The following SIGIRR variants were observed in gnomAD, a reference collection of about 807,000 sequenced individuals.
The protein encoded by SIGIRR is single Ig IL-1-related receptor.
Under a neutral mutation model 45.6 loss-of-function variants are expected in SIGIRR, and 41 were observed. The ratio of observed to expected loss-of-function variants is 0.90; its 90% confidence interval spans 0.70 to 1.17. SIGIRR has a LOEUF of 1.17. Ranked by LOEUF, SIGIRR falls within the 50% of genes most tolerant of loss-of-function variation. The probability of loss-of-function intolerance (pLI) is 0.00; values close to 1 mark genes in which losing one functional copy is unlikely to be tolerated. For missense variants in SIGIRR, 599 were observed against 539.6 expected (o/e 1.11, Z -1.09); for synonymous variants, 298 against 239.0 (o/e 1.25, Z -2.28).
intron 1 of SIGIRR, among the ~76,000 whole-genome samples, chr11:414,241 A>C (rs1473610681): frequency 6.8e-4 from 9 of 13,270 alleles, no homozygotes; most frequent in Admixed American, 2.1e-3. Context: ...TCCCCTCCCC[A>C]CCTTTCCCTG....
upstream of SIGIRR, among the ~76,000 whole-genome samples, chr11:416,090 C>T (rs1016642963): frequency 6.6e-6 from 1 of 152,166 alleles, no homozygotes; most frequent in Non-Finnish European, 1.5e-5. The surrounding 1 kb of genome is among the most constrained non-coding windows in gnomAD (Gnocchi z 9.1). Flanking sequence ...AGCACCCCTT[C>T]CCCCACAGAG....
At position 407,128 on chromosome 11, in the gene SIGIRR, C is replaced by CA. The variant is rs1488656876; in HGVS notation, c.661dup (p.Cys221LeufsTer120). 3 of 1,558,836 alleles carry CA rather than the reference C, an allele frequency of 1.9e-6. No individual in the cohort carries two copies. Among genetic ancestry groups the CA allele is most frequent in the Non-Finnish European group, 2.6e-6 (3 of 1,160,020 alleles). ...CGAAAGCACCACGATGAGGCGTCGG[C>CA]AGCGGCTCAGGTTCACCAAGAGGTC... On this transcript the variant is annotated frameshift_variant, in exon 7 of 10. Coordinates refer to ENST00000431843, the MANE Select transcript of SIGIRR (RefSeq NM_001135054.2). LOFTEE classifies it high-confidence loss of function.
chr11:407,177 G>T lies in SIGIRR; in HGVS notation c.626-13C>A. The T allele has an allele frequency of 2.1e-6, 3 of 1,396,562 alleles. No individual in the cohort carries two copies. Among genetic ancestry groups the T allele is most frequent in the Non-Finnish European group, 1.9e-6 (2 of 1,069,474 alleles). 86.5% of individuals were successfully genotyped at this position (1,396,562 alleles called of 1,614,324 possible). A position where few individuals can be genotyped will look rare whatever the true frequency, so the allele number is the denominator to read the frequency against. On this transcript the variant is annotated splice_polypyrimidine_tract_variant and intron_variant, in intron 6 of 9. Coordinates refer to ENST00000431843, the MANE Select transcript of SIGIRR (RefSeq NM_001135054.2). The stretch of plus-strand genomic sequence containing the variant: ...TCGGCGGAGGGCTCTGCGGGAGGGC[G>T]GGCGTCGGCGGCGCAGGGGCGGGGG...
At chr11:410,628 G>T (rs1399033358) in intron 1 of SIGIRR, among the ~76,000 whole-genome samples, 2 of 64,840 alleles carry the variant, frequency 3.1e-5, no homozygotes, top group African/African-American at 1.2e-4. Flanking sequence ...TCGGGGGGGG[G>T]GGGTGCCCAG....
Position 407,803 on chromosome 11 carries a change from C to G in SIGIRR, c.481+14G>C. On this transcript the variant is annotated intron_variant, in intron 5 of 9. Transcript: ENST00000431843. Reference sequence around the variant, plus strand: ...GTGGCGACCCCTCCTCGCGCCCACGCGGGCCCCACGCACCGTTTATCTCCA... The same window carrying G: ...GTGGCGACCCCTCCTCGCGCCCACGGGGGCCCCACGCACCGTTTATCTCCA... 6.2e-7 allele frequency: 1 copy of G among 1,612,238 alleles called. No individual in the cohort carries two copies. Among genetic ancestry groups the G allele is most frequent in the South Asian group, 1.1e-5 (1 of 91,064 alleles).
chr11:406,393 C>T lies in SIGIRR; in HGVS notation c.1025G>A (p.Arg342Gln). 6.2e-7 allele frequency: 1 copy of T among 1,612,686 alleles called. No homozygotes were observed. The highest frequency in any genetic ancestry group is 8.5e-7 in the Non-Finnish European group (1 of 1,179,880). The change falls in exon 9 of 10, where the codon CGG becomes CAG. Residue 342 changes from arginine to glutamine, a missense_variant. Arg to Gln is a conservative substitution (Grantham distance 43, BLOSUM62 1). Coordinates refer to ENST00000431843, the MANE Select transcript of SIGIRR (RefSeq NM_001135054.2). ...LILRGRVPEG[R>Q]ALDSEVDPDP... The stretch of plus-strand genomic sequence containing the variant: ...CGGGTCCACCTCTGAGTCCAGGGCC[C>T]GGCCCTCAGGGACTCGGCCTCGAAG...
upstream of SIGIRR, among the ~76,000 whole-genome samples, chr11:415,685 G>A (rs1197261599): frequency 6.6e-6 from 1 of 152,230 alleles, no homozygotes; most frequent in Non-Finnish European, 1.5e-5. The surrounding 1 kb of genome is among the most constrained non-coding windows in gnomAD (Gnocchi z 6.6). Context: ...GCTGGGGTGG[G>A]AGGGCAGCGC....
At chr11:415,335 G>A (rs1307415131), upstream of SIGIRR, among the ~76,000 whole-genome samples, 2 of 151,826 alleles carry the variant, frequency 1.3e-5, no homozygotes, top group Admixed American at 6.6e-5. The surrounding 1 kb of genome is among the most constrained non-coding windows in gnomAD (Gnocchi z 6.6). Flanking sequence ...TGGGGTGGGG[G>A]GTGCTCAAAG....
chr11:406,298 C>T, intron 9 of SIGIRR, 51 bp downstream of exon 9: 1 of 1,589,812 alleles, frequency 6.3e-7, no homozygotes, highest in Non-Finnish European at 8.6e-7. Context: ...TGCCCCCACT[C>T]CGCCCTGTGC....
At chr11:408,049 T>A (rs1847430596) in intron 4 of SIGIRR, 24 bp downstream of exon 4, 1 of 1,612,144 alleles carries the variant, frequency 6.2e-7, no homozygotes, top group African/African-American at 1.3e-5. Flanking sequence ...CCTTCTACCC[T>A]CCACCTTGGG....
Position 407,405 on chromosome 11 carries a change from C to CG in SIGIRR, c.625+19dup, listed in dbSNP as rs541077942. On this transcript the variant is annotated intron_variant, in intron 6 of 9. Transcript: ENST00000431843. ...GCGGGCCCTCCGGGTGGGCGGGGCA[C>CG]GGGGTGGGGCCCGGGATACCAGCGC... 6.5e-4 allele frequency: 608 copies of CG among 936,100 alleles called. 5 individuals carry two copies. The African/African-American group carries it at 0.019, about 29-fold the overall frequency. 58.0% of individuals were successfully genotyped at this position (936,100 alleles called of 1,614,324 possible).
At position 408,059 on chromosome 11, in the gene SIGIRR, G is replaced by A; in HGVS notation, c.340+14C>T. On this transcript the variant is annotated intron_variant, in intron 4 of 9. Transcript: ENST00000431843. The stretch of plus-strand genomic sequence containing the variant: ...GGTCCCCTTCTACCCTCCACCTTGG[G>A]GAACCCCCATCACCAGCTCTCTGAA... 2.5e-6 allele frequency: 4 copies of A among 1,612,542 alleles called. No homozygotes were observed. The highest frequency in any genetic ancestry group is 2.5e-6 in the Non-Finnish European group (3 of 1,179,844).
chr11:407,120 G>GC lies in SIGIRR; in HGVS notation c.669_670insG (p.Leu224AlafsTer117). On this transcript the variant is annotated frameshift_variant, in exon 7 of 10. Coordinates refer to ENST00000431843, the MANE Select transcript of SIGIRR (RefSeq NM_001135054.2). LOFTEE classifies it high-confidence loss of function. ...AAGGCGTCCGAAAGCACCACGATGA[G>GC]GCGTCGGCAGCGGCTCAGGTTCACC... 2.0e-6 allele frequency: 3 copies of GC among 1,536,212 alleles called. No individual in the cohort carries two copies. In the Admixed American group the frequency reaches 5.8e-5, roughly 30 times the overall value.
chr11:408,241 G>A (rs1847442704), intron 3 of SIGIRR, 35 bp from the exon 4 acceptor site: 1 of 1,607,834 alleles, frequency 6.2e-7, no homozygotes, highest in Admixed American at 1.7e-5. Context: ...GGTCGACTGG[G>A]GATACCAGTG....
At chr11:407,724 C>T in intron 5 of SIGIRR, 93 bp downstream of exon 5, 1 of 1,579,580 alleles carries the variant, frequency 6.3e-7, no homozygotes, top group Non-Finnish European at 8.6e-7. Flanking sequence ...GGGCTAACCC[C>T]TCCCCGCCGC....
intron 1 of SIGIRR, among the ~76,000 whole-genome samples, chr11:413,330 G>GA (rs1564894940): frequency 6.6e-6 from 1 of 151,484 alleles, no homozygotes; most frequent in Non-Finnish European, 1.5e-5. Context: ...TGGCCAGGGG[G>GA]TCCTTGAAGA....
chr11:407,377 G>A (rs1338433483), intron 6 of SIGIRR, 48 bp downstream of exon 6: 3 of 1,467,456 alleles, frequency 2.0e-6, no homozygotes, highest in African/African-American at 1.4e-5. Context: ...GGGGCGGGGC[G>A]GGGCGGGCCC....
Position 407,112 on chromosome 11 carries a change from C to T in SIGIRR, c.678G>A (p.Val226=), listed in dbSNP as rs1305180566. The change falls in exon 7 of 10, where the codon GTG becomes GTA. Residue 226 remains valine (V), a synonymous_variant. Transcript: ENST00000431843. ...GGCTCAGGAAGGCGTCCGAAAGCAC[C>T]ACGATGAGGCGTCGGCAGCGGCTCA... The part of the protein sequence containing the change: ...VNLSRCRRLI[V]VLSDAFLSRA... 2.5e-6 allele frequency: 4 copies of T among 1,573,314 alleles called. No individual in the cohort carries two copies. Among genetic ancestry groups the T allele is most frequent in the South Asian group, 2.3e-5 (2 of 86,338 alleles).
rs773492464 is a variant in SIGIRR, at chr11:406,133, C to T, written c.1070-74G>A. The T allele has an allele frequency of 5.8e-6, 9 of 1,539,256 alleles. No homozygotes were observed. In the East Asian group the frequency reaches 1.7e-4, roughly 29 times the overall value. ...CCCAGACCCACTGCCAGGGGCTGCC[C>T]CTGCTCACCCCCTGCTGTGATGGCC... is the stretch of plus-strand genomic sequence containing the variant. On this transcript the variant is annotated intron_variant, in intron 9 of 9. Coordinates refer to ENST00000431843, the MANE Select transcript of SIGIRR (RefSeq NM_001135054.2).
Sources: gnomAD v4.1 joint callset for allele counts (sites outside exome capture counted in the v4.1 genomes callset) on GRCh38, gnomAD v4.1.1 for gene constraint, Gnocchi (gnomAD v3.1) non-coding constraint, MANE v1.5 for transcripts, NCBI Gene and HGNC (gene_info 2026-07-23, HGNC 2026-07-21) for gene names.